The following SIN3B variants were observed in gnomAD, a reference collection of about 807,000 sequenced individuals.
SIN3B encodes the protein paired amphipathic helix protein Sin3b.
In SIN3B, 19 loss-of-function variants were observed where a neutral mutation model predicts 120.2. That is an observed-to-expected ratio of 0.16 (90% CI 0.11 to 0.23). The LOEUF (loss-of-function observed/expected upper bound fraction) is 0.23. SIN3B is among the 10% of genes least tolerant of loss of function. SIN3B has a pLI of 1.00. For synonymous variants in SIN3B, 654 were observed against 653.2 expected (o/e 1.00, Z -0.02); for missense variants, 1,073 against 1,573.0 (o/e 0.68, Z 5.38).
chr19:16,848,426 GTTTT>G (rs11293258), intron 5 of SIN3B, among the ~76,000 whole-genome samples: 124 of 116,952 alleles, frequency 1.1e-3, no homozygotes, highest in Middle Eastern at 9.6e-3. Context: ...TCTTTTCCAG[GTTTT>G]TTTTTTTTTT....
At chr19:16,853,926 G>A (rs1456678902) in intron 7 of SIN3B, among the ~76,000 whole-genome samples, 1 of 151,008 alleles carries the variant, frequency 6.6e-6, no homozygotes, top group Admixed American at 6.6e-5. Context: ...CAGATTATGT[G>A]CACGGGCTGT....
At chr19:16,850,630 G>A (rs966905480) in intron 5 of SIN3B, among the ~76,000 whole-genome samples, 3 of 152,120 alleles carry the variant, frequency 2.0e-5, no homozygotes, top group African/African-American at 4.8e-5. Flanking sequence ...AGGGGAAGGC[G>A]GAGTACGATG....
At chr19:16,849,809 A>G (rs1971522359) in intron 5 of SIN3B, among the ~76,000 whole-genome samples, 2 of 152,194 alleles carry the variant, frequency 1.3e-5, no homozygotes, top group Non-Finnish European at 1.5e-5. Flanking sequence ...TACAAAAAAT[A>G]GCCAAGCGTG....
intron 8 of SIN3B, among the ~76,000 whole-genome samples, chr19:16,857,608 C>G (rs1971634768): frequency 6.8e-6 from 1 of 146,018 alleles, no homozygotes; most frequent in African/African-American, 2.6e-5. Context: ...ATCCAAGAAA[C>G]CACATGGCCA....
chr19:16,877,540 C>T lies in SIN3B; in HGVS notation c.2860-5C>T. 4 of 1,601,950 alleles carry T rather than the reference C, an allele frequency of 2.5e-6. No homozygotes were observed. Among genetic ancestry groups the T allele is most frequent in the Non-Finnish European group, 2.6e-6 (3 of 1,174,534 alleles). ...ATCACGGGCTGTGTCTCTCCCTGTC[C>T]CCAGCACCTGGCTCGGTACGTGGAG... is the stretch of plus-strand genomic sequence containing the variant. On this transcript the variant is annotated splice_polypyrimidine_tract_variant and splice_region_variant and intron_variant, in intron 16 of 18. Transcript: ENST00000248054.
At chr19:16,877,710 G>C in intron 17 of SIN3B, 71 bp downstream of exon 17, 5 of 1,104,860 alleles carry the variant, frequency 4.5e-6, no homozygotes, top group Non-Finnish European at 4.0e-6. Flanking sequence ...TTGTCCTGAC[G>C]GGGGCTGGAC....
chr19:16,852,795 C>T lies in SIN3B; in HGVS notation c.850-274C>T, dbSNP rs1011423275. On this transcript the variant is annotated intron_variant, in intron 6 of 18. Coordinates refer to ENST00000248054, the MANE Select transcript of SIN3B (RefSeq NM_001297595.2). ...TTGTCGTAGCCAGGGGCACATCCCC[C>T]TTGCCTTTCTGATGCTGTGGCACTC... Among the ~76,000 whole-genome samples, 3 of 152,180 alleles carry T rather than the reference C, an allele frequency of 2.0e-5. No individual in the cohort carries two copies. The South Asian group carries it at 6.2e-4, about 31-fold the overall frequency.
In SIN3B at chr19:16,876,353, G is replaced by A. The variant is rs1464903707; in HGVS notation, c.2766+125G>A. 1.1e-5 allele frequency: 16 copies of A among 1,393,052 alleles called. No homozygotes were observed. Among genetic ancestry groups the A allele is most frequent in the African/African-American group, 1.4e-5 (1 of 70,670 alleles). 86.3% of individuals were successfully genotyped at this position (1,393,052 alleles called of 1,614,324 possible). ...CCGGCCCTGCTGCAGAGCCCATGAG[G>A]TACCTTTGACCTGCAGGAAGCATCA... On this transcript the variant is annotated intron_variant, in intron 15 of 18. Transcript: ENST00000248054. This position sits in a 1 kb window ranked among gnomAD's most constrained non-coding sequence, Gnocchi z 7.1.
chr19:16,831,153 C>T (rs548996275), intron 2 of SIN3B, among the ~76,000 whole-genome samples: 84 of 151,926 alleles, frequency 5.5e-4, no homozygotes, highest in African/African-American at 2.0e-3. Context: ...GCCTCCGCCT[C>T]CCGGGTGCAA....
chr19:16,845,678 A>G (rs1390435143), intron 4 of SIN3B, among the ~76,000 whole-genome samples: 1 of 152,158 alleles, frequency 6.6e-6, no homozygotes, highest in Non-Finnish European at 1.5e-5. Flanking sequence ...GCACTGTTTT[A>G]AATTGTTTCT....
At chr19:16,870,207 G>C in intron 13 of SIN3B, 132 bp downstream of exon 13, 1 of 1,126,834 alleles carries the variant, frequency 8.9e-7, no homozygotes, top group Non-Finnish European at 1.2e-6. Context: ...TTTCAAATGG[G>C]AAATTGCAAA....
chr19:16,863,872 C>T, intron 10 of SIN3B, 76 bp downstream of exon 10: 1 of 990,246 alleles, frequency 1.0e-6, no homozygotes, highest in Non-Finnish European at 1.6e-6. Flanking sequence ...TCCTGATCCT[C>T]CTCCACTGCC....
At chr19:16,830,002 C>T (rs1253511618) in intron 2 of SIN3B, 105 bp downstream of exon 2, 2 of 739,238 alleles carry the variant, frequency 2.7e-6, no homozygotes, top group Non-Finnish European at 4.7e-6. Flanking sequence ...GCCGGGTGAC[C>T]TTGCGCAGGT....
At chr19:16,829,728 C>A in intron 1 of SIN3B, 63 bp from the exon 2 acceptor site, 2 of 1,469,368 alleles carry the variant, frequency 1.4e-6, no homozygotes. Flanking sequence ...CCCTCAGGGA[C>A]CCCGGCCCCT....
chr19:16,834,012 A>C (rs183802506), intron 3 of SIN3B, among the ~76,000 whole-genome samples: 5 of 152,228 alleles, frequency 3.3e-5, no homozygotes, highest in Non-Finnish European at 1.5e-5. Flanking sequence ...GGTGTGAGCC[A>C]CCGCACCCAG....
At chr19:16,866,308 C>G in intron 11 of SIN3B, 65 bp from the exon 12 acceptor site, 1 of 1,510,496 alleles carries the variant, frequency 6.6e-7, no homozygotes, top group African/African-American at 1.4e-5. Flanking sequence ...GACAGGCCAG[C>G]CCTGGGATGC....
Position 16,847,009 on chromosome 19 carries a change from A to G in SIN3B, c.622A>G (p.Met208Val), listed in dbSNP as rs749442231. ...LNTRGRPFRG[M>V]SEEEVFTEVA... is the part of the protein sequence containing the mutation. ...CACGAGGGGCCGGCCATTCCGAGGC[A>G]TGTCTGAAGAGGAGGTGTTCACCGA... Residue 208 changes from methionine (M) to valine (V), a missense_variant, in exon 5 of 19, where the codon ATG becomes GTG. By Grantham distance (21) the Met-to-Val change is conservative (BLOSUM62 1). Around this residue, in one of 7 missense-constraint regions of SIN3B, gnomAD observed 395 missense variants for 528.0 expected, o/e 0.75. Coordinates refer to ENST00000248054, the MANE Select transcript of SIN3B (RefSeq NM_001297595.2). The G allele has an allele frequency of 6.2e-7, 1 of 1,614,184 alleles. No individual in the cohort carries two copies. The highest frequency in any genetic ancestry group is 1.7e-5 in the Admixed American group (1 of 60,032).
Position 16,829,447 on chromosome 19 carries a change from T to A in SIN3B, c.27T>A (p.Gly9=). The A allele has an allele frequency of 8.2e-7, 1 of 1,212,832 alleles. No individual in the cohort carries two copies. The allele number at this position is 1,212,832 out of a possible 1,614,324, so 75.1% of individuals were successfully genotyped here. The change falls in exon 1 of 19, where the codon GGT becomes GGA. Residue 9 remains glycine, a synonymous_variant. Transcript: ENST00000248054. ...TGGCGCACGCTGGCGGTGGCAGCGG[T>A]GGCAGCGGTGCCGGCGGCCCCGCGG... is the stretch of plus-strand genomic sequence containing the variant. MAHAGGGS[G]GSGAGGPAGR...
intron 16 of SIN3B, 55 bp from the exon 17 acceptor site, chr19:16,877,490 G>A: frequency 7.6e-7 from 1 of 1,314,410 alleles, no homozygotes; most frequent in Non-Finnish European, 1.1e-6. Flanking sequence ...CAGAGTAAGA[G>A]TGGCCATAGC....
Sources: gnomAD v4.1 joint callset for allele counts (sites outside exome capture counted in the v4.1 genomes callset) on GRCh38, gnomAD v4.1.1 for gene constraint, gnomAD v4.1.1 regional missense constraint, Gnocchi (gnomAD v3.1) non-coding constraint, MANE v1.5 for transcripts, NCBI Gene and HGNC (gene_info 2026-07-23, HGNC 2026-07-21) for gene names.